NAALADL2: variants seen among roughly 807,000 people sequenced by gnomAD.
The protein encoded by NAALADL2 is inactive N-acetylated-alpha-linked acidic dipeptidase-like protein 2.
Under a neutral mutation model 87.2 loss-of-function variants are expected in NAALADL2, and 76 were observed. That is an observed-to-expected ratio of 0.87 (90% CI 0.72 to 1.05). The LOEUF (loss-of-function observed/expected upper bound fraction) is 1.05. Among genes scored for constraint, NAALADL2 ranks in the 50% least tolerant of loss-of-function variants. The pLI is 0.00. For synonymous variants in NAALADL2, 354 were observed against 331.0 expected (o/e 1.07, Z -0.75); for missense variants, 1,089 against 945.8 (o/e 1.15, Z -1.99).
chr3:175,642,877 C>G (rs1354120572), intron 11 of NAALADL2, among the ~76,000 whole-genome samples: 3 of 152,056 alleles, frequency 2.0e-5, no homozygotes, highest in African/African-American at 7.2e-5. Flanking sequence ...GTAAAATGGC[C>G]TCTAGTCTAT....
At chr3:175,002,778 T>A (rs536044691) in intron 1 of NAALADL2, among the ~76,000 whole-genome samples, 1 of 152,310 alleles carries the variant, frequency 6.6e-6, no homozygotes, top group African/African-American at 2.4e-5. Context: ...ATCACTGTTT[T>A]GGTATTATTG....
At position 175,076,472 on chromosome 3, in the gene NAALADL2, A is replaced by G. The variant is rs558825732; in HGVS notation, c.44-20318A>G. On this transcript the variant is annotated intron_variant, in intron 1 of 13. Transcript: ENST00000454872. ...TATAGACTATTTCTCGCTGGACACA[A>G]CATTAAGAAGTAAGAAAAACACAGA... Among the ~76,000 whole-genome samples, 25 of 152,274 alleles carry G rather than the reference A, an allele frequency of 1.6e-4. No individual in the cohort carries two copies. In the South Asian group the frequency reaches 4.4e-3, roughly 27 times the overall value.
intron 2 of NAALADL2, among the ~76,000 whole-genome samples, chr3:174,665,579 A>G (rs1269974527): frequency 1.3e-5 from 2 of 152,194 alleles, no homozygotes; most frequent in Non-Finnish European, 2.9e-5. Context: ...ACTGCAAGTA[A>G]TCATGGGGGC....
intron 11 of NAALADL2, among the ~76,000 whole-genome samples, chr3:175,722,578 T>C (rs997609670): frequency 6.6e-5 from 10 of 152,156 alleles, no homozygotes; most frequent in African/African-American, 2.4e-4. Flanking sequence ...ATATGTACAT[T>C]ACTAAACATA....
At chr3:174,502,577 ATATT>A (rs1269162631) in intron 1 of NAALADL2, among the ~76,000 whole-genome samples, 1 of 152,146 alleles carries the variant, frequency 6.6e-6, no homozygotes, top group Non-Finnish European at 1.5e-5. Flanking sequence ...TTTCATTTGA[ATATT>A]TATGTATTAT....
intron 11 of NAALADL2, among the ~76,000 whole-genome samples, chr3:175,648,097 G>A (rs1456617007): frequency 6.6e-6 from 1 of 152,136 alleles, no homozygotes; most frequent in African/African-American, 2.4e-5. Context: ...TAGCATATTT[G>A]CTTTAGGTAT....
intron 2 of NAALADL2, among the ~76,000 whole-genome samples, chr3:175,097,779 T>C (rs1279319213): frequency 6.6e-6 from 1 of 152,158 alleles, no homozygotes; most frequent in Non-Finnish European, 1.5e-5. Context: ...TTAGCATACA[T>C]GTTGAGTTGT....
chr3:174,597,945 CTT>C (rs1718076974), intron 2 of NAALADL2, among the ~76,000 whole-genome samples: 1 of 152,098 alleles, frequency 6.6e-6, no homozygotes, highest in African/African-American at 2.4e-5. Flanking sequence ...GCACTTATCA[CTT>C]TCTCTCTTGT....
intron 1 of NAALADL2, among the ~76,000 whole-genome samples, chr3:175,093,758 C>A (rs759229424): frequency 5.3e-5 from 8 of 151,630 alleles, no homozygotes; most frequent in Non-Finnish European, 7.4e-5. Flanking sequence ...TGTGACTCTG[C>A]TGGAAGATAG....
chr3:175,634,655 T>A (rs2149738165), intron 11 of NAALADL2, among the ~76,000 whole-genome samples: 1 of 152,144 alleles, frequency 6.6e-6, no homozygotes, highest in East Asian at 1.9e-4. Flanking sequence ...TAATTTTTCA[T>A]CTGAATGAGC....
chr3:175,415,008 CG>C (rs1714317443), intron 5 of NAALADL2, among the ~76,000 whole-genome samples: 3 of 152,060 alleles, frequency 2.0e-5, no homozygotes, highest in Admixed American at 6.6e-5. Flanking sequence ...AATTGTCTTA[CG>C]GGATTATCAC....
intron 2 of NAALADL2, among the ~76,000 whole-genome samples, chr3:175,113,756 A>G (rs1724600914): frequency 2.6e-5 from 4 of 151,324 alleles, no homozygotes; most frequent in Admixed American, 2.0e-4. Flanking sequence ...AGGATCCCCA[A>G]TTTTTTTTAT....
chr3:174,581,956 C>A (rs916382735), intron 2 of NAALADL2, among the ~76,000 whole-genome samples: 1 of 152,116 alleles, frequency 6.6e-6, no homozygotes, highest in African/African-American at 2.4e-5. Flanking sequence ...TTCTGTAGCA[C>A]AATTAATTCT....
chr3:175,465,787 G>T (rs2149275895), intron 7 of NAALADL2, among the ~76,000 whole-genome samples: 1 of 152,260 alleles, frequency 6.6e-6, no homozygotes, highest in Non-Finnish European at 1.5e-5. Flanking sequence ...TTAATAAAAT[G>T]TTGGCAGATC....
chr3:174,833,234 A>G lies in NAALADL2; in HGVS notation c.-9+95488A>G, dbSNP rs1722939433. 2.0e-5 allele frequency among the ~76,000 whole-genome samples: 3 copies of G among 152,212 alleles called. No individual in the cohort carries two copies. The South Asian group carries it at 6.2e-4, about 31-fold the overall frequency. ...GGTTAATAAAAAATGAGAAATGTCA[A>G]GGTCATTTTCTTAGTCTGTTAGGTC... On this transcript the variant is annotated intron_variant, in intron 3 of 3. Transcript: ENST00000434257.
intron 5 of NAALADL2, among the ~76,000 whole-genome samples, chr3:175,368,364 G>T (rs1765949237): frequency 6.6e-6 from 1 of 152,108 alleles, no homozygotes; most frequent in Admixed American, 6.6e-5. Context: ...GATGATGCTG[G>T]CCTCATAAAA....
chr3:175,461,282 A>C lies in NAALADL2; in HGVS notation c.1235-2119A>C, dbSNP rs191399824. ...TGCATTTACAATTCTTTAGATAGAC[A>C]CAGAGAGCTGATGGTGCGTTTTTAC... On this transcript the variant is annotated intron_variant, in intron 6 of 13. Transcript: ENST00000454872. Among the ~76,000 whole-genome samples the C allele has an allele frequency of 1.3e-4, 20 of 151,372 alleles. 1 individual carries two copies. The East Asian group carries it at 3.5e-3, about 26-fold the overall frequency.
At chr3:175,141,079 T>C (rs1024923819) in intron 2 of NAALADL2, among the ~76,000 whole-genome samples, 4 of 152,138 alleles carry the variant, frequency 2.6e-5, no homozygotes, top group Non-Finnish European at 4.4e-5. Context: ...ATGGTAGATA[T>C]GGATGTACAC....
At chr3:174,864,715 A>T (rs939383866) in intron 1 of NAALADL2, among the ~76,000 whole-genome samples, 3 of 152,094 alleles carry the variant, frequency 2.0e-5, no homozygotes, top group African/African-American at 7.2e-5. Flanking sequence ...TATAAATGTA[A>T]TTATTACTTT....
Sources: allele counts gnomAD v4.1 joint callset (sites outside exome capture counted in the v4.1 genomes callset), GRCh38; gene constraint gnomAD v4.1.1; transcripts MANE v1.5; gene names NCBI Gene and HGNC (gene_info 2026-07-23, HGNC 2026-07-21).